Variants in IGDCC4 observed in about 807,000 individuals in gnomAD.
The protein encoded by IGDCC4 is immunoglobulin superfamily DCC subclass member 4, also known as likely ortholog of mouse neighbor of Punc E11.
Under a neutral mutation model 116.6 loss-of-function variants are expected in IGDCC4, and 72 were observed. That is an observed-to-expected ratio of 0.62 (90% CI 0.51 to 0.75). The LOEUF (loss-of-function observed/expected upper bound fraction) is 0.75. Among genes scored for constraint, IGDCC4 ranks in the 30% least tolerant of loss-of-function variants. The probability of loss-of-function intolerance (pLI) is 0.00; values close to 1 mark genes in which losing one functional copy is unlikely to be tolerated. For missense variants in IGDCC4, 1,501 were observed against 1,662.4 expected (o/e 0.90, Z 1.69); for synonymous variants, 709 against 719.9 (o/e 0.98, Z 0.24).
chr15:65,385,519 C>T (rs1218464659), intron 18 of IGDCC4: 11 of 544,506 alleles, frequency 2.0e-5, no homozygotes, highest in Non-Finnish European at 3.3e-5. Context: ...TCTCCCCACA[C>T]GGGGATGTCT....
Position 65,391,905 on chromosome 15 carries a change from G to C in IGDCC4, c.2199C>G (p.Gly733=). ...HEDGYAAVWK[G]KTEKAPAPDM... ...CTGGTGCCGGCGCCTTCTCCGTCTT[G>C]CCCTTCCACACTGCTGCATAGCCAT... Residue 733 remains glycine (G), a synonymous_variant, in exon 12 of 20, where the codon GGC becomes GGG. Coordinates refer to ENST00000352385, the MANE Select transcript of IGDCC4 (RefSeq NM_020962.3). The C allele has an allele frequency of 1.2e-6, 2 of 1,613,800 alleles. No individual in the cohort carries two copies. Among genetic ancestry groups the C allele is most frequent in the Non-Finnish European group, 1.7e-6 (2 of 1,179,932 alleles).
At chr15:65,401,479 G>A (rs1236163082) in intron 4 of IGDCC4, among the ~76,000 whole-genome samples, 1 of 152,154 alleles carries the variant, frequency 6.6e-6, no homozygotes, top group African/African-American at 2.4e-5. Flanking sequence ...GTGGAGTGGT[G>A]AATATCTGGA....
At chr15:65,399,708 A>C (rs1006410504) in intron 5 of IGDCC4, among the ~76,000 whole-genome samples, 1 of 152,180 alleles carries the variant, frequency 6.6e-6, no homozygotes, top group African/African-American at 2.4e-5. Context: ...GCACTGTTCT[A>C]TTTTATCAGC....
chr15:65,390,695 A>G (rs1356060389), intron 12 of IGDCC4, among the ~76,000 whole-genome samples: 1 of 152,202 alleles, frequency 6.6e-6, no homozygotes, highest in African/African-American at 2.4e-5. Flanking sequence ...TCCATTCACT[A>G]TTCTAATGAT....
intron 6 of IGDCC4, 82 bp from the exon 7 acceptor site, chr15:65,396,245 C>A: frequency 7.3e-7 from 1 of 1,372,522 alleles, no homozygotes; most frequent in Admixed American, 2.2e-5. Context: ...AAGCCTGCCC[C>A]CCACCGCCCT....
Position 65,392,179 on chromosome 15 carries a change from C to T in IGDCC4, c.2077G>A (p.Val693Ile). ...TGCTTCACTTTCTTCTTGAGCCGGA[C>T]AGGCCCCACATCCCAAGCCTGGTCT... Reference protein sequence around the residue: ...RGDQAWDVGPVRLKKKVKQYE... With the variant: ...RGDQAWDVGPIRLKKKVKQYE... The change falls in exon 11 of 20, where the codon GTC (valine) becomes ATC (isoleucine). Residue 693 changes from valine (V) to isoleucine (I), a missense_variant. Physicochemically the swap from Val to Ile is conservative, Grantham distance 29. Transcript: ENST00000352385. 1 of 1,613,788 alleles carries T rather than the reference C, an allele frequency of 6.2e-7. No individual in the cohort carries two copies. The highest frequency in any genetic ancestry group is 8.5e-7 in the Non-Finnish European group (1 of 1,179,884).
rs1455675406 is a variant in IGDCC4 at position 65,395,804 on chromosome 15, C to T, written c.1357G>A (p.Glu453Lys). ...SAVLVAWERP[E>K]MHSEQIIGFS... ...CCGATGATCTGCTCGCTGTGCATCT[C>T]GGGCCGCTCCCAGGCCACCAACACA... Residue 453 changes from glutamate (E) to lysine (K), a missense_variant, in exon 7 of 20, where the codon GAG becomes AAG. Glu to Lys is a moderately conservative substitution (Grantham distance 56, BLOSUM62 1). Transcript: ENST00000352385. 3 of 1,497,166 alleles carry T rather than the reference C, an allele frequency of 2.0e-6. No homozygotes were observed. Among genetic ancestry groups the T allele is most frequent in the East Asian group, 2.6e-5 (1 of 37,824 alleles). The allele number at this position is 1,497,166 out of a possible 1,614,324, so 92.7% of individuals were successfully genotyped here. A position where few individuals can be genotyped will look rare whatever the true frequency, so the allele number is the denominator to read the frequency against.
intron 5 of IGDCC4, among the ~76,000 whole-genome samples, chr15:65,398,551 A>G (rs59815960): frequency 6.8e-5 from 9 of 133,174 alleles, no homozygotes; most frequent in Admixed American, 1.5e-4. Flanking sequence ...AAAAAAAAAA[A>G]AAAAAGAAAG....
chr15:65,419,741 C>G (rs1025447065), intron 1 of IGDCC4, among the ~76,000 whole-genome samples: 3 of 152,134 alleles, frequency 2.0e-5, no homozygotes, highest in Non-Finnish European at 2.9e-5. Context: ...GGTTCCCTAC[C>G]CTCCAAATTC....
chr15:65,416,839 C>T (rs2063149725), intron 1 of IGDCC4, among the ~76,000 whole-genome samples: 1 of 152,158 alleles, frequency 6.6e-6, no homozygotes, highest in African/African-American at 2.4e-5. Context: ...ATTATTTTAC[C>T]CACTTACAGG....
At chr15:65,418,291 T>C (rs2063161452) in intron 1 of IGDCC4, among the ~76,000 whole-genome samples, 1 of 152,130 alleles carries the variant, frequency 6.6e-6, no homozygotes, top group African/African-American at 2.4e-5. Flanking sequence ...GCTGGGGAGA[T>C]CACTACCTTG....
chr15:65,403,157 T>C (rs1168942519), intron 3 of IGDCC4, among the ~76,000 whole-genome samples: 4 of 152,188 alleles, frequency 2.6e-5, no homozygotes, highest in Non-Finnish European at 5.9e-5. Flanking sequence ...AACCCAAGTG[T>C]TCATCTGCAG....
intron 13 of IGDCC4, 82 bp downstream of exon 13, chr15:65,390,073 A>T (rs1474894866): frequency 1.5e-6 from 2 of 1,293,562 alleles, no homozygotes; most frequent in Non-Finnish European, 2.1e-6. Flanking sequence ...CCCTTCCCTG[A>T]TCACCACCTG....
At chr15:65,392,848 T>A (rs8033679) in intron 10 of IGDCC4, among the ~76,000 whole-genome samples, 64,728 of 151,950 alleles carry the variant, frequency 0.43, 14,509 homozygotes, top group East Asian at 0.67. Context: ...CTTTGTGTAG[T>A]TATTATAACT....
Position 65,385,971 on chromosome 15 carries a change from C to T in IGDCC4, c.3040G>A (p.Ala1014Thr), listed in dbSNP as rs756832202. ...ACAAGGGACTCCAATTCATGGGCAG[C>T]TGGGGGGCTGGGGGGGCCAAGCCGA... ...RARLGPPSPP[A>T]AHELESLVHP... Residue 1014 changes from alanine to threonine, a missense_variant, in exon 18 of 20, where the codon GCT becomes ACT. Ala to Thr is a moderately conservative substitution (Grantham distance 58). Coordinates refer to ENST00000352385, the MANE Select transcript of IGDCC4 (RefSeq NM_020962.3). The T allele has an allele frequency of 6.5e-6, 10 of 1,540,654 alleles. No individual in the cohort carries two copies. The highest frequency in any genetic ancestry group is 8.8e-6 in the Non-Finnish European group (10 of 1,136,110).
chr15:65,398,751 C>T (rs924129579), intron 5 of IGDCC4, among the ~76,000 whole-genome samples: 2 of 151,314 alleles, frequency 1.3e-5, no homozygotes, highest in South Asian at 4.2e-4. Context: ...ATTAGCCAGG[C>T]GTGGTGGCGG....
At chr15:65,386,467 C>A in intron 17 of IGDCC4, 84 bp downstream of exon 17, 1 of 1,202,464 alleles carries the variant, frequency 8.3e-7, no homozygotes, top group South Asian at 1.3e-5. Flanking sequence ...AAGGGCAAGT[C>A]ATGGCCACTT....
intron 3 of IGDCC4, among the ~76,000 whole-genome samples, chr15:65,407,880 C>T (rs1036055051): frequency 4.1e-5 from 6 of 147,382 alleles, no homozygotes; most frequent in Admixed American, 1.3e-4. Context: ...GTGATCCGCC[C>T]GCCTCAGCCT....
chr15:65,416,059 A>G (rs2063139577), intron 1 of IGDCC4, among the ~76,000 whole-genome samples: 1 of 151,998 alleles, frequency 6.6e-6, no homozygotes, highest in African/African-American at 2.4e-5. Context: ...AAACTTCTCA[A>G]ACGTTTTCAC....
Sources: gnomAD v4.1 joint callset for allele counts (sites outside exome capture counted in the v4.1 genomes callset) on GRCh38, gnomAD v4.1.1 for gene constraint, MANE v1.5 for transcripts, NCBI Gene and HGNC (gene_info 2026-07-23, HGNC 2026-07-21) for gene names.